OSBP2: variants seen among roughly 807,000 people sequenced by gnomAD.
The protein encoded by OSBP2 is oxysterol-binding protein 2.
In OSBP2, 66 loss-of-function variants were observed where a neutral mutation model predicts 96.0. That is an observed-to-expected ratio of 0.69 (90% CI 0.56 to 0.84). OSBP2 has a LOEUF of 0.84. Among genes scored for constraint, OSBP2 ranks in the 40% least tolerant of loss-of-function variants. The pLI, the probability that OSBP2 is intolerant of heterozygous loss-of-function variation, is 0.00. For missense variants in OSBP2, 1,038 were observed against 1,222.7 expected (o/e 0.85, Z 2.25); for synonymous variants, 525 against 520.9 (o/e 1.01, Z -0.11).
intron 1 of OSBP2, 24 bp from the exon 2 acceptor site, chr22:30,741,137 C>T: frequency 1.9e-6 from 3 of 1,584,352 alleles, no homozygotes; most frequent in Non-Finnish European, 2.6e-6. Flanking sequence ...AGCCTCACCC[C>T]ATTCCTTCTC....
At chr22:30,728,745 C>A (rs915113333) in intron 1 of OSBP2, among the ~76,000 whole-genome samples, 2 of 152,182 alleles carry the variant, frequency 1.3e-5, no homozygotes, top group African/African-American at 4.8e-5. Context: ...AATCCTCCTG[C>A]CATGGTCTCC....
In OSBP2 at chr22:30,887,406, C is replaced by T. The variant is rs373046612; in HGVS notation, c.1108-20C>T. The stretch of plus-strand genomic sequence containing the variant: ...CCTGCCAGAGGCCAGGGTCTCATAC[C>T]GCCACTCCTCCCTCCCCAGGCCTGC... On this transcript the variant is annotated intron_variant, in intron 3 of 13. Transcript: ENST00000332585. 2.5e-5 allele frequency: 40 copies of T among 1,604,156 alleles called. No homozygotes were observed. Among genetic ancestry groups the T allele is most frequent in the Non-Finnish European group, 3.0e-5 (35 of 1,173,420 alleles).
chr22:30,867,520 T>C (rs925728372), intron 2 of OSBP2, among the ~76,000 whole-genome samples: 4 of 152,214 alleles, frequency 2.6e-5, no homozygotes, highest in African/African-American at 9.6e-5. Flanking sequence ...CTCATTCTCC[T>C]GATCTCTCTG....
intron 12 of OSBP2, among the ~76,000 whole-genome samples, chr22:30,904,120 G>T (rs1353335639): frequency 1.3e-5 from 2 of 152,302 alleles, no homozygotes; most frequent in Admixed American, 6.5e-5. Flanking sequence ...GGAGCAGTTG[G>T]GGGGTGGCTG....
Position 30,725,545 on chromosome 22 carries a change from C to CAAA in OSBP2, c.645-15607_645-15605dup, listed in dbSNP as rs71202009. Among the ~76,000 whole-genome samples, 3 of 143,998 alleles carry CAAA rather than the reference C, an allele frequency of 2.1e-5. No homozygotes were observed. In the East Asian group the frequency reaches 6.0e-4, roughly 29 times the overall value. The allele number at this position is 143,998 out of a possible 152,430, so 94.5% of individuals were successfully genotyped here. A position where few individuals can be genotyped will look rare whatever the true frequency, so the allele number is the denominator to read the frequency against. On this transcript the variant is annotated intron_variant, in intron 1 of 13. Coordinates refer to ENST00000332585, the MANE Select transcript of OSBP2 (RefSeq NM_030758.4). ...CAAAAAACAAAAACAAAAACAAAAACAAAAAAAAAAACACACAAAAAAAAC... is the reference window on the plus strand; with the variant it reads ...CAAAAAACAAAAACAAAAACAAAAACAAAAAAAAAAAAAACACACAAAAAAAAC...
At chr22:30,763,477 T>C (rs1323219777) in intron 2 of OSBP2, among the ~76,000 whole-genome samples, 1 of 152,014 alleles carries the variant, frequency 6.6e-6, no homozygotes, top group Non-Finnish European at 1.5e-5. Flanking sequence ...TGAAACCTGT[T>C]TCTACTGAAA....
rs952008689 is a variant in OSBP2 at position 30,894,214 on chromosome 22, G to A, written c.2375+213G>A. On this transcript the variant is annotated intron_variant, in intron 12 of 13. Transcript: ENST00000332585. ...AACACTATGCACAGACTTTAAGCGAGGTGATAGGACAGAGCCCCTCCCTGT... is the reference window on the plus strand; with the variant it reads ...AACACTATGCACAGACTTTAAGCGAAGTGATAGGACAGAGCCCCTCCCTGT... 3 of 568,632 alleles carry A rather than the reference G, an allele frequency of 5.3e-6. No individual in the cohort carries two copies. In the African/African-American group the frequency reaches 5.6e-5, roughly 11 times the overall value. The allele number at this position is 568,632 out of a possible 1,614,324, so 35.2% of individuals were successfully genotyped here. A position where few individuals can be genotyped will look rare whatever the true frequency, so the allele number is the denominator to read the frequency against.
chr22:30,714,972 G>T lies in OSBP2; in HGVS notation c.644+19419G>T, dbSNP rs532856843. Among the ~76,000 whole-genome samples, 3 of 152,062 alleles carry T rather than the reference G, an allele frequency of 2.0e-5. No homozygotes were observed. In the South Asian group the frequency reaches 6.2e-4, roughly 32 times the overall value. ...AGTGGTATTGCTGTATCATATGGTA[G>T]TTCTATTTTTAATTTTTTTAGGAAT... On this transcript the variant is annotated intron_variant, in intron 1 of 13. Transcript: ENST00000332585.
chr22:30,721,350 G>C lies in OSBP2; in HGVS notation c.645-19811G>C, dbSNP rs2089547939. Among the ~76,000 whole-genome samples the C allele has an allele frequency of 2.6e-5, 4 of 152,242 alleles. No homozygotes were observed. In the South Asian group the frequency reaches 8.3e-4, roughly 32 times the overall value. ...TACTGGGTGCTATGGGGGCCCAGAA[G>C]ACTAGCTGCCCCATGGAGGCCGGGA... On this transcript the variant is annotated intron_variant, in intron 1 of 13. Coordinates refer to ENST00000332585, the MANE Select transcript of OSBP2 (RefSeq NM_030758.4).
intron 1 of OSBP2, among the ~76,000 whole-genome samples, chr22:30,730,806 A>AC (rs2089761626): frequency 2.4e-5 from 1 of 41,562 alleles, no homozygotes; most frequent in African/African-American, 1.3e-4. Context: ...ATATATATAT[A>AC]TAATTTTTTT....
chr22:30,870,748 G>T lies in OSBP2; in HGVS notation c.1107+66G>T. On this transcript the variant is annotated intron_variant, in intron 3 of 13. Transcript: ENST00000332585. The surrounding 1 kb of genome is among the most constrained non-coding windows in gnomAD (Gnocchi z 4.1). ...GCTCCAGCCCCGGGGTCCCTCGGTGGGTGACCAGGGTCAGCTTGAAGGGTC... is the reference window on the plus strand; with the variant it reads ...GCTCCAGCCCCGGGGTCCCTCGGTGTGTGACCAGGGTCAGCTTGAAGGGTC... 1 of 1,538,968 alleles carries T rather than the reference G, an allele frequency of 6.5e-7. No individual in the cohort carries two copies.
intron 2 of OSBP2, among the ~76,000 whole-genome samples, chr22:30,798,183 A>G (rs1482553151): frequency 6.6e-6 from 1 of 152,200 alleles, no homozygotes; most frequent in Non-Finnish European, 1.5e-5. Flanking sequence ...CTAATGATTA[A>G]TGAAGCCAAG....
rs568562319 is a variant in OSBP2, at chr22:30,746,967, C to A, written c.853+5598C>A. Among the ~76,000 whole-genome samples, 4 of 152,286 alleles carry A rather than the reference C, an allele frequency of 2.6e-5. No individual in the cohort carries two copies. The East Asian group carries it at 7.7e-4, about 29-fold the overall frequency. On this transcript the variant is annotated intron_variant, in intron 2 of 13. Transcript: ENST00000332585. ...ATTAGAGTATTTAAAGGACTATACA[C>A]CATGACCAAGTGGGACTTACCCCAG...
chr22:30,772,532 C>A (rs1428276962), intron 2 of OSBP2, among the ~76,000 whole-genome samples: 1 of 152,150 alleles, frequency 6.6e-6, no homozygotes, highest in East Asian at 1.9e-4. Context: ...GTGAGCTCAG[C>A]CAGAAGTGTC....
chr22:30,836,333 A>T (rs1046205848), intron 2 of OSBP2, among the ~76,000 whole-genome samples: 1 of 152,194 alleles, frequency 6.6e-6, no homozygotes, highest in African/African-American at 2.4e-5. Context: ...CCAGGCCATA[A>T]TGCTAATGAC....
At chr22:30,791,579 G>A (rs1030229496) in intron 2 of OSBP2, among the ~76,000 whole-genome samples, 1 of 151,998 alleles carries the variant, frequency 6.6e-6, no homozygotes, top group East Asian at 1.9e-4. Context: ...CGCCCGCCTC[G>A]GCCTCCCAAA....
intron 4 of OSBP2, among the ~76,000 whole-genome samples, chr22:30,887,939 C>A (rs1015057288): frequency 2.0e-5 from 3 of 152,172 alleles, no homozygotes; most frequent in African/African-American, 7.2e-5. Context: ...GGACAGGGGT[C>A]CATCAGAAAG....
intron 2 of OSBP2, among the ~76,000 whole-genome samples, chr22:30,749,311 A>T (rs969534373): frequency 3.3e-5 from 5 of 152,192 alleles, no homozygotes; most frequent in African/African-American, 1.2e-4. Flanking sequence ...AAGTACTGGG[A>T]CATTTCCATA....
chr22:30,708,069 G>A (rs1207165357), intron 1 of OSBP2, among the ~76,000 whole-genome samples: 2 of 151,808 alleles, frequency 1.3e-5, no homozygotes, highest in African/African-American at 2.4e-5. Flanking sequence ...TGCATTTTTA[G>A]TAGAGACAGG....
Sources: allele counts gnomAD v4.1 joint callset (sites outside exome capture counted in the v4.1 genomes callset), GRCh38; gene constraint gnomAD v4.1.1; non-coding constraint Gnocchi (gnomAD v3.1); transcripts MANE v1.5; gene names NCBI Gene and HGNC (gene_info 2026-07-23, HGNC 2026-07-21).